The following CDH12 variants were observed in gnomAD, a reference collection of about 807,000 sequenced individuals.
CDH12 encodes the protein cadherin-12.
A neutral mutation model predicts 74.1 loss-of-function variants in CDH12; 41 were observed. The observed-to-expected ratio is 0.55, with a 90% CI of 0.43 to 0.72. The LOEUF (loss-of-function observed/expected upper bound fraction) is 0.72. Ranked by LOEUF, CDH12 falls within the 30% of genes least tolerant of loss-of-function variation. CDH12 has a pLI of 0.00. For synonymous variants in CDH12, 399 were observed against 355.0 expected (o/e 1.12, Z -1.39); for missense variants, 945 against 977.2 (o/e 0.97, Z 0.44).
At chr5:22,113,896 A>T (rs1744949526) in intron 4 of CDH12, among the ~76,000 whole-genome samples, 1 of 152,010 alleles carries the variant, frequency 6.6e-6, no homozygotes, top group African/African-American at 2.4e-5. Context: ...CTTTCCTCTG[A>T]GCTTTCTGCT....
At chr5:22,552,317 A>T (rs1010542096) in intron 1 of CDH12, among the ~76,000 whole-genome samples, 1 of 152,128 alleles carries the variant, frequency 6.6e-6, no homozygotes, top group African/African-American at 2.4e-5. Context: ...ACATATCATC[A>T]TGCCTTAAAT....
At chr5:22,228,195 ATTAT>A (rs997489794) in intron 3 of CDH12, among the ~76,000 whole-genome samples, 1 of 152,084 alleles carries the variant, frequency 6.6e-6, no homozygotes, top group African/African-American at 2.4e-5. Context: ...AATGGTACCG[ATTAT>A]TTACTAATAT....
chr5:22,740,848 A>C (rs966971172), intron 1 of CDH12, among the ~76,000 whole-genome samples: 1 of 152,102 alleles, frequency 6.6e-6, no homozygotes, highest in Admixed American at 6.6e-5. Flanking sequence ...TAAATGATAA[A>C]CTTGCAAATT....
At chr5:22,007,295 G>C (rs1413714846) in intron 5 of CDH12, among the ~76,000 whole-genome samples, 1 of 152,144 alleles carries the variant, frequency 6.6e-6, no homozygotes, top group African/African-American at 2.4e-5. Context: ...GTATTGTATA[G>C]AGTGCTTGAA....
intron 1 of CDH12, among the ~76,000 whole-genome samples, chr5:22,545,345 C>T (rs1353067295): frequency 6.6e-6 from 1 of 152,130 alleles, no homozygotes; most frequent in Non-Finnish European, 1.5e-5. Flanking sequence ...TTCTCTTTAG[C>T]TCCAGCAATG....
intron 2 of CDH12, among the ~76,000 whole-genome samples, chr5:22,414,492 T>C (rs1743299411): frequency 6.6e-6 from 1 of 151,974 alleles, no homozygotes; most frequent in South Asian, 2.1e-4. Context: ...TAGACAATAA[T>C]AGAATCTTTC....
At chr5:21,781,827 TG>T (rs1467134058) in intron 11 of CDH12, among the ~76,000 whole-genome samples, 2 of 152,136 alleles carry the variant, frequency 1.3e-5, no homozygotes, top group African/African-American at 2.4e-5. Flanking sequence ...TGCAAGAAAC[TG>T]GGAATCAGTA....
chr5:22,046,430 CTT>C (rs11323330), intron 5 of CDH12, among the ~76,000 whole-genome samples: 170 of 100,354 alleles, frequency 1.7e-3, no homozygotes, highest in South Asian at 4.8e-3. Flanking sequence ...CATTTAATTT[CTT>C]TTTTTTTTTT....
In CDH12 at chr5:21,866,408, A is replaced by C. The variant is rs576044261; in HGVS notation, c.527-11618T>G. On this transcript the variant is annotated intron_variant, in intron 6 of 14. Transcript: ENST00000382254. ...AATGGCTTTGACCAAAACACTGTTA[A>C]TGATATGGACAATGAAATCCAGGCT... 2.0e-5 allele frequency among the ~76,000 whole-genome samples: 3 copies of C among 152,320 alleles called. No homozygotes were observed. In the East Asian group the frequency reaches 5.8e-4, roughly 30 times the overall value.
intron 1 of CDH12, among the ~76,000 whole-genome samples, chr5:22,549,043 G>A (rs1438805087): frequency 2.0e-5 from 3 of 151,928 alleles, no homozygotes; most frequent in Non-Finnish European, 4.4e-5. Flanking sequence ...GGCCTCAAGG[G>A]ATCCTTCCAA....
At chr5:22,490,893 C>G (rs780437294) in intron 2 of CDH12, among the ~76,000 whole-genome samples, 4 of 152,168 alleles carry the variant, frequency 2.6e-5, no homozygotes, top group Non-Finnish European at 5.9e-5. Flanking sequence ...GAGGTGGAAG[C>G]ACAATTCTGT....
At chr5:21,853,276 T>C (rs879477999) in intron 7 of CDH12, among the ~76,000 whole-genome samples, 4 of 151,662 alleles carry the variant, frequency 2.6e-5, no homozygotes, top group Admixed American at 1.3e-4. Flanking sequence ...TTTGACAGAC[T>C]GGCTTTTATT....
intron 8 of CDH12, among the ~76,000 whole-genome samples, chr5:21,819,593 A>T (rs1361335839): frequency 1.3e-5 from 2 of 151,804 alleles, no homozygotes; most frequent in African/African-American, 4.8e-5. Context: ...AAAAGTCTAA[A>T]TTTTTTTTCT....
At chr5:22,124,493 T>C (rs1388982443) in intron 4 of CDH12, among the ~76,000 whole-genome samples, 1 of 152,164 alleles carries the variant, frequency 6.6e-6, no homozygotes, top group African/African-American at 2.4e-5. Context: ...CATCCTACTG[T>C]TTGTTGTTGT....
chr5:22,581,282 C>T (rs1486639392), intron 1 of CDH12, among the ~76,000 whole-genome samples: 1 of 152,216 alleles, frequency 6.6e-6, no homozygotes, highest in Non-Finnish European at 1.5e-5. Flanking sequence ...AGACTAAATG[C>T]CCTGAGTCCC....
intron 4 of CDH12, among the ~76,000 whole-genome samples, chr5:22,207,079 C>A (rs1182001164): frequency 6.6e-6 from 1 of 151,328 alleles, no homozygotes; most frequent in Non-Finnish European, 1.5e-5. Context: ...ATTAGCCGGT[C>A]ATGGTGGCAG....
At chr5:22,757,031 A>G (rs1045682738) in intron 1 of CDH12, among the ~76,000 whole-genome samples, 2 of 152,002 alleles carry the variant, frequency 1.3e-5, no homozygotes, top group African/African-American at 2.4e-5. Flanking sequence ...TCTAATATCT[A>G]CCCTCTACTT....
At chr5:22,091,562 T>A (rs552083156) in intron 4 of CDH12, among the ~76,000 whole-genome samples, 1 of 151,970 alleles carries the variant, frequency 6.6e-6, no homozygotes, top group South Asian at 2.1e-4. Flanking sequence ...AATTAAAGAA[T>A]GTCTATGTAA....
In CDH12 at chr5:22,425,217, G is replaced by A. The variant is rs943344640; in HGVS notation, c.-427-19866C>T. Among the ~76,000 whole-genome samples the A allele has an allele frequency of 2.8e-5, 4 of 141,654 alleles. No homozygotes were observed. In the East Asian group the frequency reaches 6.2e-4, roughly 22 times the overall value. The allele number at this position is 141,654 out of a possible 152,430, so 92.9% of individuals were successfully genotyped here. ...TCTTTCCTTTTAAATAAATGCATAGGATTCCATGATATTGGCCTCATAATT... is the reference window on the plus strand; with the variant it reads ...TCTTTCCTTTTAAATAAATGCATAGAATTCCATGATATTGGCCTCATAATT... On this transcript the variant is annotated intron_variant, in intron 2 of 14. Coordinates refer to ENST00000382254, the MANE Select transcript of CDH12 (RefSeq NM_004061.5).
Sources: allele counts gnomAD v4.1 joint callset (sites outside exome capture counted in the v4.1 genomes callset), GRCh38; gene constraint gnomAD v4.1.1; transcripts MANE v1.5; gene names NCBI Gene and HGNC (gene_info 2026-07-23, HGNC 2026-07-21).